The following SLC20A2 variants were observed in gnomAD, a reference collection of about 807,000 sequenced individuals.
SLC20A2 encodes the protein solute carrier family 20 member 2, also known as sodium-dependent phosphate transporter 2.
SLC20A2 carries 30 observed loss-of-function variants against 61.0 expected under a neutral mutation model. That is an observed-to-expected ratio of 0.49 (90% CI 0.37 to 0.67). The LOEUF (loss-of-function observed/expected upper bound fraction) is 0.67. Ranked by LOEUF, SLC20A2 falls within the 30% of genes least tolerant of loss-of-function variation. The probability of loss-of-function intolerance (pLI) is 0.00; values close to 1 mark genes in which losing one functional copy is unlikely to be tolerated. For missense variants in SLC20A2, 626 were observed against 866.4 expected (o/e 0.72, Z 3.48); for synonymous variants, 351 against 353.3 (o/e 0.99, Z 0.07).
chr8:42,526,875 G>C (rs998670169), intron 1 of SLC20A2, among the ~76,000 whole-genome samples: 1 of 151,974 alleles, frequency 6.6e-6, no homozygotes, highest in African/African-American at 2.4e-5. Context: ...GGGTCACGGT[G>C]GGTGGATCAC....
At chr8:42,515,247 A>G (rs1020640940) in intron 1 of SLC20A2, among the ~76,000 whole-genome samples, 2 of 152,186 alleles carry the variant, frequency 1.3e-5, no homozygotes, top group Non-Finnish European at 2.9e-5. Context: ...ACCTCTCCCC[A>G]TGCTATCTCT....
In SLC20A2 at chr8:42,527,095, G is replaced by A. The variant is rs1408861871; in HGVS notation, c.-265+14726C>T. On this transcript the variant is annotated intron_variant, in intron 1 of 10. Coordinates refer to the SLC20A2 transcript ENST00000342228. Reference sequence around the variant, plus strand: ...CTCCAGCCTGAGTAACAGAGTAAGAGCCTGTCTCAAAAAAAAAAAAAAAAA... The same window carrying A: ...CTCCAGCCTGAGTAACAGAGTAAGAACCTGTCTCAAAAAAAAAAAAAAAAA... Among the ~76,000 whole-genome samples the A allele has an allele frequency of 1.7e-4, 25 of 144,976 alleles. No individual in the cohort carries two copies. In the Admixed American group the frequency reaches 1.7e-3, roughly 10 times the overall value.
upstream of SLC20A2, chr8:42,501,237 GCAT>G (rs1486919826): frequency 2.6e-5 from 4 of 152,200 alleles, no homozygotes; most frequent in Non-Finnish European, 5.9e-5. Context: ...ACGCTGATTT[GCAT>G]CATGTGTGCC....
intron 6 of SLC20A2, among the ~76,000 whole-genome samples, chr8:42,441,463 T>TTTTG (rs1020970078): frequency 1.2e-4 from 18 of 151,232 alleles, no homozygotes; most frequent in South Asian, 4.2e-4. Flanking sequence ...ATTTTGTTCT[T>TTTTG]TTTGTTTGTT....
chr8:42,435,327 G>A (rs947357555), intron 8 of SLC20A2, among the ~76,000 whole-genome samples: 2 of 152,102 alleles, frequency 1.3e-5, no homozygotes, highest in African/African-American at 2.4e-5. Flanking sequence ...GACAGAAGAC[G>A]ACAACGGCAC....
intron 1 of SLC20A2, among the ~76,000 whole-genome samples, chr8:42,517,116 T>TGACTAAA (rs1811365094): frequency 3.1e-4 from 47 of 152,258 alleles, no homozygotes; most frequent in Admixed American, 3.1e-3. Context: ...CTATCTATAG[T>TGACTAAA]ATTAGTCATC....
rs533303973 is a variant in SLC20A2, at chr8:42,460,148, C to T, written c.517-156G>A. 2.7e-4 allele frequency: 148 copies of T among 549,016 alleles called. No homozygotes were observed. The African/African-American group carries it at 2.7e-3, about 10-fold the overall frequency. The allele number at this position is 549,016 out of a possible 1,614,324, so 34.0% of individuals were successfully genotyped here. A position where few individuals can be genotyped will look rare whatever the true frequency, so the allele number is the denominator to read the frequency against. On this transcript the variant is annotated intron_variant, in intron 4 of 10. Transcript: ENST00000520262. ...CGTTGTCACTGCCTGTGATCTGCTC[C>T]ACTTCTGCAGAAATGGCATTGGCTG...
intron 1 of SLC20A2, among the ~76,000 whole-genome samples, chr8:42,528,911 C>A (rs1055546031): frequency 3.9e-5 from 6 of 151,906 alleles, no homozygotes; most frequent in Non-Finnish European, 8.8e-5. Context: ...GGGTGATCCC[C>A]CCGCCTCAGC....
intron 2 of SLC20A2, among the ~76,000 whole-genome samples, chr8:42,471,896 A>C (rs1164682150): frequency 6.6e-6 from 1 of 152,254 alleles, no homozygotes; most frequent in Non-Finnish European, 1.5e-5. Context: ...TCAAAAGTTC[A>C]GAAAATAAAT....
intron 5 of SLC20A2, among the ~76,000 whole-genome samples, chr8:42,455,241 A>AAATATATAT (rs1416804518): frequency 9.7e-6 from 1 of 102,606 alleles, no homozygotes; most frequent in Non-Finnish European, 1.7e-5. Flanking sequence ...AAAAAAAAAA[A>AAATATATAT]ATATATATAT....
intron 10 of SLC20A2, among the ~76,000 whole-genome samples, chr8:42,418,617 G>A (rs1802828905): frequency 6.6e-6 from 1 of 151,976 alleles, no homozygotes; most frequent in South Asian, 2.1e-4. Flanking sequence ...CAAACTCCTG[G>A]CCTCAAGTGA....
chr8:42,448,176 T>C (rs2131076102), intron 5 of SLC20A2, among the ~76,000 whole-genome samples: 1 of 152,368 alleles, frequency 6.6e-6, no homozygotes, highest in South Asian at 2.1e-4. Flanking sequence ...CAAAGCATGG[T>C]TCCTGAAGAG....
At chr8:42,418,054 G>T in intron 10 of SLC20A2, 87 bp from the exon 11 acceptor site, 1 of 1,090,798 alleles carries the variant, frequency 9.2e-7, no homozygotes, top group Non-Finnish European at 1.3e-6. Flanking sequence ...TCAGAAACAA[G>T]CTCTAGTACA....
intron 1 of SLC20A2, among the ~76,000 whole-genome samples, chr8:42,533,651 G>GTTGTT (rs1554577829): frequency 6.7e-5 from 6 of 89,736 alleles, no homozygotes; most frequent in African/African-American, 2.4e-4. Context: ...ATGATCAACT[G>GTTGTT]TTCTTTTTTT....
intron 10 of SLC20A2, among the ~76,000 whole-genome samples, chr8:42,427,129 G>A (rs1803468204): frequency 6.6e-6 from 1 of 152,384 alleles, no homozygotes; most frequent in South Asian, 2.1e-4. Flanking sequence ...GCGGAGCCGG[G>A]GAGGAGGACG....
chr8:42,475,248 C>G (rs1807975878), intron 1 of SLC20A2, among the ~76,000 whole-genome samples: 1 of 152,050 alleles, frequency 6.6e-6, no homozygotes, highest in African/African-American at 2.4e-5. Flanking sequence ...TACAGGCATG[C>G]ACCATTATAC....
intron 5 of SLC20A2, among the ~76,000 whole-genome samples, chr8:42,455,257 T>TATATATATATATATAGAGAG (rs1357416749): frequency 1.2e-5 from 1 of 81,622 alleles, no homozygotes; most frequent in African/African-American, 4.4e-5. Flanking sequence ...TATATATATA[T>TATATATATATATATAGAGAG]AGAGAGAGAG....
intron 1 of SLC20A2, among the ~76,000 whole-genome samples, chr8:42,532,601 T>G (rs1158523759): frequency 1.3e-5 from 2 of 152,208 alleles, no homozygotes; most frequent in African/African-American, 4.8e-5. Context: ...ACAGTAAGGA[T>G]GTGTGTTCTA....
chr8:42,513,922 T>C (rs1226010972), intron 1 of SLC20A2, among the ~76,000 whole-genome samples: 1 of 152,082 alleles, frequency 6.6e-6, no homozygotes, highest in African/African-American at 2.4e-5. Context: ...GGAAACCATG[T>C]AGCATGTTCT....
Sources: gnomAD v4.1 joint callset for allele counts (sites outside exome capture counted in the v4.1 genomes callset) on GRCh38, gnomAD v4.1.1 for gene constraint, MANE v1.5 for transcripts, NCBI Gene and HGNC (gene_info 2026-07-23, HGNC 2026-07-21) for gene names.